The following RNFT2 variants were observed in gnomAD, a reference collection of about 807,000 sequenced individuals.
RNFT2 encodes E3 ubiquitin-protein ligase RNFT2.
In RNFT2, 36 loss-of-function variants were observed where a neutral mutation model predicts 53.0. The ratio of observed to expected loss-of-function variants is 0.68; its 90% CI spans 0.52 to 0.90. The LOEUF is 0.90. RNFT2 is among the 40% of genes least tolerant of loss of function. The pLI is 0.00. For missense variants in RNFT2, 514 were observed against 585.6 expected (o/e 0.88, Z 1.26); for synonymous variants, 260 against 253.2 (o/e 1.03, Z -0.26).
intron 7 of RNFT2, among the ~76,000 whole-genome samples, chr12:116,787,263 T>C (rs1873976462): frequency 6.6e-6 from 1 of 152,376 alleles, no homozygotes; most frequent in East Asian, 1.9e-4. Context: ...CAGGAGATCA[T>C]CTGCCAGATC....
chr12:116,849,204 C>T (rs1434487154), intron 10 of RNFT2, 110 bp from the exon 11 acceptor site: 1 of 820,166 alleles, frequency 1.2e-6, no homozygotes, highest in Admixed American at 2.6e-5. Context: ...AGTGCAGGCG[C>T]CCCGAAGGCA....
intron 10 of RNFT2, among the ~76,000 whole-genome samples, chr12:116,840,669 C>T (rs1877204234): frequency 6.6e-6 from 1 of 152,202 alleles, no homozygotes; most frequent in Admixed American, 6.5e-5. Context: ...TAGGCACTAA[C>T]TCTGTAACCC....
chr12:116,767,551 C>A (rs928105396), intron 6 of RNFT2, among the ~76,000 whole-genome samples: 1 of 151,148 alleles, frequency 6.6e-6, no homozygotes, highest in Non-Finnish European at 1.5e-5. Flanking sequence ...AACATACGAT[C>A]GATATAAAAA....
At chr12:116,772,868 G>A (rs1035583783) in intron 6 of RNFT2, among the ~76,000 whole-genome samples, 4 of 151,966 alleles carry the variant, frequency 2.6e-5, no homozygotes, top group Admixed American at 2.6e-4. Context: ...TTGCTCTGTC[G>A]CCCAGGTTGG....
Position 116,852,647 on chromosome 12 carries a change from C to G in RNFT2, c.*3199C>G. 6.2e-7 allele frequency: 1 copy of G among 1,613,986 alleles called. No individual in the cohort carries two copies. The highest frequency in any genetic ancestry group is 1.1e-5 in the South Asian group (1 of 91,082). ...TTTATCGGAAAGATCATCCTGCCTGCAGATGCTGTTGAAGGGGCACAAGAA... is the reference window on the plus strand; with the variant it reads ...TTTATCGGAAAGATCATCCTGCCTGGAGATGCTGTTGAAGGGGCACAAGAA... On this transcript the variant is annotated 3_prime_UTR_variant, in exon 11 of 11. Coordinates refer to ENST00000257575, the MANE Select transcript of RNFT2 (RefSeq NM_001382266.1).
At chr12:116,741,456 C>T (rs902553696) in intron 3 of RNFT2, among the ~76,000 whole-genome samples, 2 of 152,186 alleles carry the variant, frequency 1.3e-5, no homozygotes, top group Non-Finnish European at 2.9e-5. Context: ...AAGATGAAAG[C>T]TCCAGCATAT....
intron 7 of RNFT2, among the ~76,000 whole-genome samples, chr12:116,822,136 A>T (rs542840556): frequency 6.6e-6 from 1 of 151,150 alleles, no homozygotes; most frequent in African/African-American, 2.4e-5. Context: ...TGCCTGGCCA[A>T]CCTCCTTCAA....
At chr12:116,825,001 A>G (rs1308832979) in intron 7 of RNFT2, among the ~76,000 whole-genome samples, 1 of 152,144 alleles carries the variant, frequency 6.6e-6, no homozygotes, top group African/African-American at 2.4e-5. Flanking sequence ...TTCAGTCAGG[A>G]CACACCGGGT....
intron 10 of RNFT2, 83 bp downstream of exon 10, chr12:116,836,365 T>C: frequency 8.6e-7 from 1 of 1,167,446 alleles, no homozygotes; most frequent in Non-Finnish European, 1.2e-6. Flanking sequence ...CTCGGGTCTC[T>C]GGCATGGGTC....
intron 10 of RNFT2, among the ~76,000 whole-genome samples, chr12:116,841,768 T>TATATATATAAAAATATATATATATAA (rs1565875848): frequency 9.3e-5 from 9 of 96,712 alleles, no homozygotes; most frequent in South Asian, 3.1e-4. Flanking sequence ...TAAATATAAA[T>TATATATATAAAAATATATATATATAA]ATATATATAT....
chr12:116,839,107 C>G (rs1227827569), intron 10 of RNFT2, among the ~76,000 whole-genome samples: 1 of 152,210 alleles, frequency 6.6e-6, no homozygotes, highest in African/African-American at 2.4e-5. Flanking sequence ...ACGTCCCTGG[C>G]TATATGGTCT....
chr12:116,782,349 G>A (rs1027506359), intron 7 of RNFT2: 1 of 151,656 alleles, frequency 6.6e-6, no homozygotes, highest in African/African-American at 2.4e-5. Flanking sequence ...GCCTGCTGGC[G>A]AGACACTCTC....
intron 7 of RNFT2, among the ~76,000 whole-genome samples, chr12:116,830,087 A>G (rs1876560597): frequency 6.6e-6 from 1 of 151,930 alleles, no homozygotes; most frequent in Non-Finnish European, 1.5e-5. Flanking sequence ...ATAATTTTAG[A>G]CTTAAAGAAA....
At chr12:116,779,993 C>G (rs1592953745) in intron 7 of RNFT2, among the ~76,000 whole-genome samples, 1 of 152,208 alleles carries the variant, frequency 6.6e-6, no homozygotes, top group Non-Finnish European at 1.5e-5. Flanking sequence ...CAAAGGGAAT[C>G]TGGACCGAAG....
intron 7 of RNFT2, among the ~76,000 whole-genome samples, chr12:116,786,672 AGTTTCCT>A (rs1171823237): frequency 6.6e-6 from 1 of 152,202 alleles, no homozygotes; most frequent in Non-Finnish European, 1.5e-5. Context: ...AAAAACTATT[AGTTTCCT>A]GTGGTTGCAG....
At chr12:116,788,955 GGGATGGATGGATGGA>G (rs1874069268) in intron 7 of RNFT2, among the ~76,000 whole-genome samples, 1 of 137,980 alleles carries the variant, frequency 7.2e-6, no homozygotes, top group Non-Finnish European at 1.6e-5. Flanking sequence ...TGGGAGGAGA[GGGATGGATGGATGGA>G]TGGATGGATG....
At position 116,779,240 on chromosome 12, in the gene RNFT2, C is replaced by T. The variant is rs747858577; in HGVS notation, c.774C>T (p.Asp258=). The change falls in exon 7 of 11, where the codon GAC becomes GAT. Residue 258 remains aspartate (D), a synonymous_variant. Coordinates refer to ENST00000257575, the MANE Select transcript of RNFT2 (RefSeq NM_001382266.1). ...KPNLEMLDFF[D]LLWIVGIADF... is the part of the protein sequence containing the mutation. ...ACCTGGAGATGCTGGACTTCTTTGA[C>T]CTGCTATGGATTGTGGGGATCGCAG... The T allele has an allele frequency of 6.2e-7, 1 of 1,614,002 alleles. No homozygotes were observed. Among genetic ancestry groups the T allele is most frequent in the South Asian group, 1.1e-5 (1 of 91,074 alleles).
At chr12:116,802,155 A>C (rs1488739295) in intron 7 of RNFT2, among the ~76,000 whole-genome samples, 1 of 152,172 alleles carries the variant, frequency 6.6e-6, no homozygotes, top group Non-Finnish European at 1.5e-5. Context: ...TTCTATGGTT[A>C]AATAACTTTG....
intron 10 of RNFT2, among the ~76,000 whole-genome samples, chr12:116,841,444 C>G (rs1263880427): frequency 6.7e-6 from 1 of 149,966 alleles, no homozygotes; most frequent in Non-Finnish European, 1.5e-5. Flanking sequence ...CAGAGGGAGA[C>G]CCTGTCTCAA....
Sources: allele counts gnomAD v4.1 joint callset (sites outside exome capture counted in the v4.1 genomes callset), GRCh38; gene constraint gnomAD v4.1.1; transcripts MANE v1.5; gene names NCBI Gene and HGNC (gene_info 2026-07-23, HGNC 2026-07-21).